KCNH8: variants seen among roughly 807,000 people sequenced by gnomAD.
KCNH8 encodes voltage-gated delayed rectifier potassium channel KCNH8.
In KCNH8, 70 loss-of-function variants were observed where a neutral mutation model predicts 103.6. That is an observed-to-expected ratio of 0.68 (90% CI 0.56 to 0.82). KCNH8 has a LOEUF of 0.82. KCNH8 is among the 40% of genes least tolerant of loss of function. KCNH8 has a pLI of 0.00. For missense variants in KCNH8, 1,217 were observed against 1,329.9 expected, an observed-to-expected ratio of 0.92 and a Z score of 1.32; for synonymous variants, 498 against 489.4, an observed-to-expected ratio of 1.02 and a Z score of -0.23.
chr3:19,324,088 G>A (rs1463592178), intron 3 of KCNH8, among the ~76,000 whole-genome samples: 3 of 152,096 alleles, frequency 2.0e-5, no homozygotes, highest in African/African-American at 7.2e-5. Flanking sequence ...ATTTGTCTTC[G>A]GCTACCAGGG....
chr3:19,241,142 T>C (rs944183909), intron 1 of KCNH8, among the ~76,000 whole-genome samples: 1 of 152,220 alleles, frequency 6.6e-6, no homozygotes, highest in Admixed American at 6.5e-5. Flanking sequence ...TCTTTTTCTT[T>C]CTTTCCTCTC....
intron 3 of KCNH8, among the ~76,000 whole-genome samples, chr3:19,307,702 G>A (rs2065148062): frequency 6.6e-6 from 1 of 151,888 alleles, no homozygotes; most frequent in African/African-American, 2.4e-5. Context: ...ATACATAATG[G>A]AATACTATTC....
chr3:19,251,588 A>G (rs1351317125), intron 1 of KCNH8, among the ~76,000 whole-genome samples: 3 of 152,146 alleles, frequency 2.0e-5, no homozygotes, highest in Admixed American at 6.5e-5. Flanking sequence ...GGAGAAACAC[A>G]TGGAATAGAT....
chr3:19,304,887 G>T (rs1434581294), intron 3 of KCNH8, among the ~76,000 whole-genome samples: 1 of 151,972 alleles, frequency 6.6e-6, no homozygotes, highest in Non-Finnish European at 1.5e-5. Flanking sequence ...GCCACATGTT[G>T]CTAGCCGCCA....
intron 11 of KCNH8, among the ~76,000 whole-genome samples, chr3:19,502,960 C>T (rs1165489981): frequency 1.3e-5 from 2 of 151,828 alleles, no homozygotes; most frequent in African/African-American, 4.8e-5. Context: ...TTCTGCACAG[C>T]AAAAGAAACT....
chr3:19,212,529 T>G (rs959380462), intron 1 of KCNH8, among the ~76,000 whole-genome samples: 11 of 152,226 alleles, frequency 7.2e-5, no homozygotes, highest in African/African-American at 2.7e-4. Flanking sequence ...CTGACTAGTT[T>G]ATAAATCCTG....
intron 6 of KCNH8, among the ~76,000 whole-genome samples, chr3:19,392,403 G>A (rs1191905462): frequency 6.6e-6 from 1 of 151,232 alleles, no homozygotes; most frequent in South Asian, 2.1e-4. Flanking sequence ...GTGAGCATAT[G>A]AGAATTTAAA....
intron 5 of KCNH8, among the ~76,000 whole-genome samples, chr3:19,388,478 G>A (rs925789061): frequency 2.6e-5 from 4 of 152,010 alleles, no homozygotes; most frequent in Non-Finnish European, 4.4e-5. Flanking sequence ...CCATGCTTCC[G>A]TGGTCCATCT....
chr3:19,431,005 G>A (rs1451665554), intron 7 of KCNH8, among the ~76,000 whole-genome samples: 4 of 152,122 alleles, frequency 2.6e-5, no homozygotes, highest in African/African-American at 4.8e-5. Context: ...GCCCTGGCCA[G>A]AACTTCCAAT....
chr3:19,300,022 G>T (rs986078096), intron 3 of KCNH8, among the ~76,000 whole-genome samples: 4 of 152,106 alleles, frequency 2.6e-5, no homozygotes, highest in Non-Finnish European at 5.9e-5. Flanking sequence ...GCCAAGGCGG[G>T]TGGATCACCT....
At position 19,498,859 on chromosome 3, in the gene KCNH8, C is replaced by A. The variant is rs374063965; in HGVS notation, c.2041-11504C>A. Reference sequence around the variant, plus strand: ...CCGGCCGTATGAGGTGTCAGTCTGCCCCTGTTGGGGGGTGCCTCCCAGTTA... The same window carrying A: ...CCGGCCGTATGAGGTGTCAGTCTGCACCTGTTGGGGGGTGCCTCCCAGTTA... On this transcript the variant is annotated intron_variant, in intron 11 of 15. Coordinates refer to ENST00000328405, the MANE Select transcript of KCNH8 (RefSeq NM_144633.3). Among the ~76,000 whole-genome samples, 10 of 151,490 alleles carry A rather than the reference C, an allele frequency of 6.6e-5. No individual in the cohort carries two copies. The South Asian group carries it at 2.1e-3, about 31-fold the overall frequency.
chr3:19,440,317 T>C (rs1424244385), intron 8 of KCNH8, among the ~76,000 whole-genome samples: 1 of 152,216 alleles, frequency 6.6e-6, no homozygotes, highest in Admixed American at 6.5e-5. Flanking sequence ...TTCAACCATT[T>C]ATGTATTCAA....
In KCNH8 at chr3:19,392,844, A is replaced by C. The variant is rs532767161; in HGVS notation, c.969+2206A>C. On this transcript the variant is annotated intron_variant, in intron 6 of 15. Coordinates refer to ENST00000328405, the MANE Select transcript of KCNH8 (RefSeq NM_144633.3). Reference sequence around the variant, plus strand: ...TAGAAAGGGCAGAAGTATGAATCCAAGTTCTATCATTTACCATCTGAGTAA... The same window carrying C: ...TAGAAAGGGCAGAAGTATGAATCCACGTTCTATCATTTACCATCTGAGTAA... 1.1e-3 allele frequency among the ~76,000 whole-genome samples: 164 copies of C among 152,180 alleles called. 1 individual carries two copies. Among genetic ancestry groups the C allele is most frequent in the Non-Finnish European group, 2.2e-4 (15 of 67,948 alleles).
chr3:19,454,060 G>C (rs1282874749), intron 10 of KCNH8, among the ~76,000 whole-genome samples: 1 of 151,742 alleles, frequency 6.6e-6, no homozygotes, highest in Non-Finnish European at 1.5e-5. Flanking sequence ...TAGCAACTCA[G>C]AGTTTACTAT....
rs986520454 is a variant in KCNH8 at position 19,281,337 on chromosome 3, C to T, written c.442+8C>T. 1.9e-6 allele frequency: 3 copies of T among 1,581,292 alleles called. No homozygotes were observed. The highest frequency in any genetic ancestry group is 2.6e-6 in the Non-Finnish European group (3 of 1,169,144). On this transcript the variant is annotated splice_region_variant and intron_variant, in intron 3 of 15. Coordinates refer to ENST00000328405, the MANE Select transcript of KCNH8 (RefSeq NM_144633.3). ...CAGAAGATAAAAAAGAAGGTTTGTA[C>T]CGTTTTCAGAAAACATTGACAGATG... is the stretch of plus-strand genomic sequence containing the variant.
At chr3:19,241,877 C>T (rs551693623) in intron 1 of KCNH8, among the ~76,000 whole-genome samples, 3 of 151,972 alleles carry the variant, frequency 2.0e-5, no homozygotes, top group Admixed American at 6.6e-5. Flanking sequence ...CAATATTGAA[C>T]GTTGTAATAG....
chr3:19,315,553 A>G (rs2125300032), intron 3 of KCNH8, among the ~76,000 whole-genome samples: 1 of 152,110 alleles, frequency 6.6e-6, no homozygotes, highest in South Asian at 2.1e-4. Context: ...ATTGACCTTC[A>G]GACATCATTT....
chr3:19,402,502 G>C (rs1163821868), intron 7 of KCNH8, among the ~76,000 whole-genome samples: 1 of 151,868 alleles, frequency 6.6e-6, no homozygotes, highest in African/African-American at 2.4e-5. Flanking sequence ...AAATTGAAAA[G>C]TGCTATAGAA....
intron 7 of KCNH8, among the ~76,000 whole-genome samples, chr3:19,405,188 T>G (rs1472025962): frequency 6.6e-6 from 1 of 151,906 alleles, no homozygotes; most frequent in Non-Finnish European, 1.5e-5. Context: ...TATAATTAAG[T>G]GAAATTGTGT....
Sources: gnomAD v4.1 joint callset for allele counts (sites outside exome capture counted in the v4.1 genomes callset) on GRCh38, gnomAD v4.1.1 for gene constraint, MANE v1.5 for transcripts, NCBI Gene and HGNC (gene_info 2026-07-23, HGNC 2026-07-21) for gene names.